Variants in ARMH3 observed in about 807,000 individuals in gnomAD.
ARMH3 encodes armadillo-like helical domain-containing protein 3.
In ARMH3, 60 loss-of-function variants were observed where a neutral mutation model predicts 99.1. That is an observed-to-expected ratio of 0.61 (90% CI 0.49 to 0.75). ARMH3 has a LOEUF of 0.75. Ranked by LOEUF, ARMH3 falls within the 30% of genes least tolerant of loss-of-function variation. The pLI is 0.00. For missense variants in ARMH3, 679 were observed against 843.1 expected (o/e 0.81, Z 2.41); for synonymous variants, 285 against 292.8 (o/e 0.97, Z 0.27).
intron 22 of ARMH3, among the ~76,000 whole-genome samples, chr10:101,945,358 G>A (rs1477508591): frequency 6.6e-6 from 1 of 152,146 alleles, no homozygotes; most frequent in Non-Finnish European, 1.5e-5. Flanking sequence ...AAGGAGGGTA[G>A]ATCACTTGAG....
At chr10:102,035,783 G>C (rs1377147493) in intron 2 of ARMH3, among the ~76,000 whole-genome samples, 1 of 152,204 alleles carries the variant, frequency 6.6e-6, no homozygotes, top group Non-Finnish European at 1.5e-5. Context: ...GCCTGCCTTG[G>C]CCTCCCAAAG....
At chr10:101,978,293 G>A (rs1846091765) in intron 19 of ARMH3, among the ~76,000 whole-genome samples, 1 of 151,206 alleles carries the variant, frequency 6.6e-6, no homozygotes. Context: ...TTCATATGGT[G>A]AATTATAAAT....
intron 24 of ARMH3, 72 bp from the exon 25 acceptor site, chr10:101,849,964 T>C: frequency 7.2e-7 from 1 of 1,393,300 alleles, no homozygotes; most frequent in Non-Finnish European, 1.0e-6. Flanking sequence ...ATTCTGCTGA[T>C]CTACTGGGTT....
intron 22 of ARMH3, 31 bp downstream of exon 22, chr10:101,956,566 G>C (rs1285212158): frequency 6.2e-7 from 1 of 1,609,394 alleles, no homozygotes; most frequent in East Asian, 2.2e-5. Flanking sequence ...ACAAATGGTG[G>C]AGAGAGGAGT....
chr10:101,954,476 G>C (rs1413495035), intron 22 of ARMH3, among the ~76,000 whole-genome samples: 1 of 152,156 alleles, frequency 6.6e-6, no homozygotes, highest in African/African-American at 2.4e-5. Flanking sequence ...TTCTGCAAAA[G>C]GCAAAACCAA....
chr10:102,028,060 A>T (rs892302030), intron 5 of ARMH3, among the ~76,000 whole-genome samples: 2 of 151,936 alleles, frequency 1.3e-5, no homozygotes, highest in Non-Finnish European at 2.9e-5. Flanking sequence ...CCAAAAAAAA[A>T]AAATAAAGAA....
At chr10:101,948,702 C>T (rs1844659458) in intron 22 of ARMH3, among the ~76,000 whole-genome samples, 1 of 152,000 alleles carries the variant, frequency 6.6e-6, no homozygotes, top group East Asian at 1.9e-4. Context: ...AATAAGTAGA[C>T]AGAACAATTT....
chr10:101,998,503 G>A (rs1847161225), intron 15 of ARMH3, among the ~76,000 whole-genome samples: 1 of 152,160 alleles, frequency 6.6e-6, no homozygotes, highest in South Asian at 2.1e-4. Context: ...AAACATAAAG[G>A]AAGAAAAAAG....
At chr10:101,880,041 G>C (rs769605292) in intron 24 of ARMH3, among the ~76,000 whole-genome samples, 1 of 152,198 alleles carries the variant, frequency 6.6e-6, no homozygotes, top group Non-Finnish European at 1.5e-5. Flanking sequence ...TCTAAACAAA[G>C]GCAACAAAGA....
At chr10:101,984,269 A>AT (rs1015846988) in intron 19 of ARMH3, among the ~76,000 whole-genome samples, 1 of 152,158 alleles carries the variant, frequency 6.6e-6, no homozygotes, top group African/African-American at 2.4e-5. Context: ...TAATTTGCTG[A>AT]TTTTTAGAAA....
intron 23 of ARMH3, among the ~76,000 whole-genome samples, chr10:101,892,647 T>C (rs17771448): frequency 0.049 from 7,487 of 152,254 alleles, 203 homozygotes; most frequent in Middle Eastern, 0.095. Flanking sequence ...GCACTTATCA[T>C]AGTACCTGGG....
intron 15 of ARMH3, among the ~76,000 whole-genome samples, chr10:101,997,731 A>G (rs1847127234): frequency 1.3e-5 from 2 of 152,106 alleles, no homozygotes; most frequent in African/African-American, 2.4e-5. Context: ...ATTATACTTT[A>G]TAAGTTATGC....
Position 102,029,883 on chromosome 10 carries a change from AG to A in ARMH3, c.307-139del, listed in dbSNP as rs200580781. 2.6e-3 allele frequency: 2,185 copies of A among 850,010 alleles called. 28 individuals are homozygous for A. In the African/African-American group the frequency reaches 0.034, roughly 13 times the overall value. 52.7% of individuals were successfully genotyped at this position (850,010 alleles called of 1,614,324 possible). A position where few individuals can be genotyped will look rare whatever the true frequency, so the allele number is the denominator to read the frequency against. On this transcript the variant is annotated intron_variant, in intron 4 of 25. Transcript: ENST00000370033. ...GTTCTGAGCTCCAAAACACAGTCTGAGTTTTTTTGGTTTTTTCCGTTTGGTT... is the reference window on the plus strand; with the variant it reads ...GTTCTGAGCTCCAAAACACAGTCTGATTTTTTTGGTTTTTTCCGTTTGGTT...
Position 101,885,690 on chromosome 10 carries a change from G to A in ARMH3, c.1860+3722C>T, listed in dbSNP as rs145298291. Among the ~76,000 whole-genome samples the A allele has an allele frequency of 4.7e-4, 72 of 152,306 alleles. No individual in the cohort carries two copies. The Middle Eastern group carries it at 0.01, about 22-fold the overall frequency. ...TATGGAATGATGAAAAAGCCCTGGA[G>A]AGAAGGAGAGCAGAGATGGTTGCAC... On this transcript the variant is annotated intron_variant, in intron 24 of 25. Coordinates refer to ENST00000370033, the MANE Select transcript of ARMH3 (RefSeq NM_024541.3).
intron 19 of ARMH3, among the ~76,000 whole-genome samples, chr10:101,982,701 C>T (rs1056686806): frequency 6.6e-6 from 1 of 152,012 alleles, no homozygotes; most frequent in African/African-American, 2.4e-5. Context: ...GAGCACAAAC[C>T]CTATTGTGAA....
intron 19 of ARMH3, among the ~76,000 whole-genome samples, chr10:101,979,465 G>A (rs1191313017): frequency 6.6e-6 from 1 of 152,014 alleles, no homozygotes; most frequent in African/African-American, 2.4e-5. Context: ...TGTAGACATG[G>A]GTTATCTAGG....
chr10:102,023,016 T>C (rs1025689210), intron 8 of ARMH3, among the ~76,000 whole-genome samples: 2 of 151,950 alleles, frequency 1.3e-5, no homozygotes, highest in Admixed American at 6.6e-5. Flanking sequence ...TGGAGAAACC[T>C]ATCTCCACTA....
chr10:101,964,660 C>T (rs1423231443), intron 20 of ARMH3, among the ~76,000 whole-genome samples: 1 of 152,056 alleles, frequency 6.6e-6, no homozygotes, highest in Non-Finnish European at 1.5e-5. Flanking sequence ...AAATGAAATA[C>T]CCAGAGTAAT....
At chr10:101,933,224 T>A (rs1194735962) in intron 23 of ARMH3, among the ~76,000 whole-genome samples, 1 of 152,184 alleles carries the variant, frequency 6.6e-6, no homozygotes, top group Non-Finnish European at 1.5e-5. Context: ...AATTTTATGT[T>A]ATGTGTATTT....
Sources: allele counts gnomAD v4.1 joint callset (sites outside exome capture counted in the v4.1 genomes callset), GRCh38; gene constraint gnomAD v4.1.1; transcripts MANE v1.5; gene names NCBI Gene and HGNC (gene_info 2026-07-23, HGNC 2026-07-21).